The following USP31 variants were observed in gnomAD, a reference collection of about 807,000 sequenced individuals.
USP31 encodes the protein ubiquitin carboxyl-terminal hydrolase 31.
A neutral mutation model predicts 119.4 loss-of-function variants in USP31; 44 were observed. The ratio of observed to expected loss-of-function variants is 0.37; its 90% CI spans 0.29 to 0.47. USP31 has a LOEUF of 0.47. USP31 is among the 20% of genes least tolerant of loss of function. USP31 has a pLI of 0.99. For synonymous variants in USP31, 749 were observed against 705.6 expected (o/e 1.06, Z -0.97); for missense variants, 1,643 against 1,730.2 (o/e 0.95, Z 0.89).
chr16:23,101,290 T>G (rs984594168), intron 6 of USP31, among the ~76,000 whole-genome samples: 1 of 152,204 alleles, frequency 6.6e-6, no homozygotes, highest in Non-Finnish European at 1.5e-5. Context: ...GTTATCAAGC[T>G]TGGATCCAGT....
chr16:23,127,390 C>G (rs9936720), intron 1 of USP31, among the ~76,000 whole-genome samples: 150,004 of 152,158 alleles, frequency 0.99, 74,057 homozygotes, highest in Middle Eastern at 1. Flanking sequence ...CTGAACTCCA[C>G]CCTGGGCGAC....
intron 1 of USP31, among the ~76,000 whole-genome samples, chr16:23,142,933 CA>C (rs1194124300): frequency 6.6e-6 from 1 of 152,130 alleles, no homozygotes; most frequent in East Asian, 1.9e-4. Context: ...TTGACACTAA[CA>C]AGAAAAAAAC....
chr16:23,109,679 G>A (rs958929992), intron 1 of USP31, among the ~76,000 whole-genome samples: 2 of 152,112 alleles, frequency 1.3e-5, no homozygotes, highest in African/African-American at 2.4e-5. Context: ...TCAGAGAGCT[G>A]AGCAAGGTTG....
At chr16:23,106,573 G>C in intron 2 of USP31, 86 bp from the exon 3 acceptor site, 1 of 1,328,734 alleles carries the variant, frequency 7.5e-7, no homozygotes, top group Non-Finnish European at 1.0e-6. Context: ...ATATGATCTT[G>C]ACTTCCTTTA....
chr16:23,107,237 C>T (rs563890914), intron 2 of USP31, among the ~76,000 whole-genome samples: 3 of 152,274 alleles, frequency 2.0e-5, no homozygotes, highest in African/African-American at 7.2e-5. Context: ...CATGTCCCTC[C>T]GCCTAACAAT....
intron 1 of USP31, among the ~76,000 whole-genome samples, chr16:23,119,263 T>A (rs1255423795): frequency 6.6e-6 from 1 of 151,734 alleles, no homozygotes; most frequent in Non-Finnish European, 1.5e-5. Flanking sequence ...CATGCCCAGC[T>A]AATTTTTGTA....
rs768032183 is a variant in USP31 at position 23,090,591 on chromosome 16, T to C, written c.1415+33A>G. 3 of 1,572,864 alleles carry C rather than the reference T, an allele frequency of 1.9e-6. No homozygotes were observed. In the South Asian group the frequency reaches 3.5e-5, roughly 18 times the overall value. The stretch of plus-strand genomic sequence containing the variant: ...TTGAAAATACTGAACTGTTACAGTC[T>C]AGGTACTTACTGGAAAATAATCTGG... On this transcript the variant is annotated intron_variant, in intron 7 of 15. Transcript: ENST00000219689.
intron 12 of USP31, 79 bp downstream of exon 12, chr16:23,082,359 C>A (rs1900868545): frequency 1.9e-6 from 3 of 1,572,262 alleles, no homozygotes; most frequent in Middle Eastern, 1.7e-4. Context: ...TACCAAAGAA[C>A]CCTCACAGAG....
intron 7 of USP31, 80 bp from the exon 8 acceptor site, chr16:23,087,915 A>G (rs1288705492): frequency 8.1e-7 from 1 of 1,233,618 alleles, no homozygotes; most frequent in African/African-American, 1.5e-5. Context: ...TCGATCTCTT[A>G]AAACGGAATC....
chr16:23,102,084 A>G (rs1901898968), intron 6 of USP31, among the ~76,000 whole-genome samples: 1 of 152,074 alleles, frequency 6.6e-6, no homozygotes, highest in South Asian at 2.1e-4. Flanking sequence ...AATCTCAATA[A>G]GAGGTTTTCC....
chr16:23,100,449 T>C (rs1901800155), intron 6 of USP31, among the ~76,000 whole-genome samples: 1 of 152,138 alleles, frequency 6.6e-6, no homozygotes, highest in Admixed American at 6.5e-5. Flanking sequence ...TATATAGAAG[T>C]CTAGACTAGG....
intron 1 of USP31, among the ~76,000 whole-genome samples, chr16:23,123,254 T>C (rs1417561723): frequency 6.6e-6 from 1 of 152,158 alleles, no homozygotes; most frequent in Non-Finnish European, 1.5e-5. Context: ...AAGTTGACAT[T>C]AGGCTGGGCG....
intron 13 of USP31, among the ~76,000 whole-genome samples, chr16:23,078,311 A>G (rs557589093): frequency 2.1e-3 from 154 of 74,102 alleles, no homozygotes; most frequent in African/African-American, 2.7e-3. Context: ...ACTCCGTCGC[A>G]AAAAAAAAAA....
At position 23,145,798 on chromosome 16, in the gene USP31, G is replaced by A. The variant is rs1240347559; in HGVS notation, c.633+2840C>T. Reference sequence around the variant, plus strand: ...GTGTGTGCCAATTGCCAATTGCAACGTTTTCATTGCTTAAGGCACTATCAT... The same window carrying A: ...GTGTGTGCCAATTGCCAATTGCAACATTTTCATTGCTTAAGGCACTATCAT... On this transcript the variant is annotated intron_variant, in intron 1 of 15. Coordinates refer to ENST00000219689, the MANE Select transcript of USP31 (RefSeq NM_020718.4). Among the ~76,000 whole-genome samples the A allele has an allele frequency of 2.0e-5, 3 of 152,194 alleles. No homozygotes were observed. The South Asian group carries it at 6.2e-4, about 32-fold the overall frequency.
At chr16:23,113,704 A>G (rs774541780) in intron 1 of USP31, among the ~76,000 whole-genome samples, 40 of 152,220 alleles carry the variant, frequency 2.6e-4, no homozygotes, top group Admixed American at 2.6e-3. Context: ...GAGCTCAGTT[A>G]TAACAGAATG....
intron 1 of USP31, among the ~76,000 whole-genome samples, chr16:23,141,040 A>T (rs1226798258): frequency 6.6e-6 from 1 of 152,214 alleles, no homozygotes; most frequent in African/African-American, 2.4e-5. Context: ...TGCCCAGAAT[A>T]ACCACTTCAC....
Position 23,066,335 on chromosome 16 carries a change from G to A in USP31, c.*1711C>T, listed in dbSNP as rs183508668. 62 of 152,660 alleles carry A rather than the reference G, an allele frequency of 4.1e-4. No individual in the cohort carries two copies. Among genetic ancestry groups the A allele is most frequent in the African/African-American group, 8.7e-4 (36 of 41,524 alleles). 9.5% of individuals were successfully genotyped at this position (152,660 alleles called of 1,614,324 possible). A position where few individuals can be genotyped will look rare whatever the true frequency, so the allele number is the denominator to read the frequency against. On this transcript the variant is annotated 3_prime_UTR_variant, in exon 16 of 16. Coordinates refer to ENST00000219689, the MANE Select transcript of USP31 (RefSeq NM_020718.4). The stretch of plus-strand genomic sequence containing the variant: ...GTGGTCTCCAGACTTGCAAGTTACC[G>A]GCTAATGCGCAAATTAGCAGCAAAA...
At chr16:23,087,999 G>A (rs1306307759) in intron 7 of USP31, among the ~76,000 whole-genome samples, 164 bp from the exon 8 acceptor site, 10 of 152,208 alleles carry the variant, frequency 6.6e-5, no homozygotes, top group African/African-American at 2.4e-4. Flanking sequence ...TTCATAAGGA[G>A]ATGAACAGCT....
chr16:23,138,552 C>T (rs1342706591), intron 1 of USP31, among the ~76,000 whole-genome samples: 1 of 152,186 alleles, frequency 6.6e-6, no homozygotes, highest in African/African-American at 2.4e-5. Context: ...CCTACCTCTG[C>T]AGAATGCCAT....
Sources: allele counts gnomAD v4.1 joint callset (sites outside exome capture counted in the v4.1 genomes callset), GRCh38; gene constraint gnomAD v4.1.1; transcripts MANE v1.5; gene names NCBI Gene and HGNC (gene_info 2026-07-23, HGNC 2026-07-21).